Variants in ST14 observed in about 807,000 individuals in gnomAD.
ST14 encodes the protein ST14 transmembrane serine protease matriptase.
Under a neutral mutation model 96.5 loss-of-function variants are expected in ST14, and 40 were observed. The ratio of observed to expected loss-of-function variants is 0.41; its 90% CI spans 0.32 to 0.54. The LOEUF is 0.54. Among genes scored for constraint, ST14 ranks in the 20% least tolerant of loss-of-function variants. The pLI is 0.17. For synonymous variants in ST14, 506 were observed against 492.1 expected (o/e 1.03, Z -0.37); for missense variants, 1,066 against 1,188.9 (o/e 0.90, Z 1.52).
chr11:130,192,064 C>T (rs924024139), intron 7 of ST14, among the ~76,000 whole-genome samples: 1 of 152,172 alleles, frequency 6.6e-6, no homozygotes, highest in Admixed American at 6.5e-5. Flanking sequence ...TGTGGGATAC[C>T]CCACGTCAGG....
intron 1 of ST14, among the ~76,000 whole-genome samples, chr11:130,177,014 G>C (rs11221992): frequency 0.079 from 11,570 of 146,604 alleles, 598 homozygotes; most frequent in East Asian, 0.17. Flanking sequence ...TAGCCAAGAT[G>C]ATCTCGATCT....
intron 7 of ST14, 62 bp downstream of exon 7, chr11:130,190,756 G>C: frequency 2.7e-6 from 4 of 1,501,596 alleles, no homozygotes; most frequent in Non-Finnish European, 2.7e-6. Flanking sequence ...TAGGGGGCCA[G>C]CTTCTTCAAC....
At chr11:130,162,567 C>T (rs1428743153) in intron 1 of ST14, among the ~76,000 whole-genome samples, 1 of 152,186 alleles carries the variant, frequency 6.6e-6, no homozygotes, top group Non-Finnish European at 1.5e-5. Flanking sequence ...ACACCTCTGG[C>T]TATTCAGAGG....
At chr11:130,180,373 A>G (rs1004106679) in intron 1 of ST14, among the ~76,000 whole-genome samples, 16 of 152,168 alleles carry the variant, frequency 1.1e-4, no homozygotes, top group African/African-American at 3.9e-4. Context: ...CCTTAGCCAC[A>G]TGAGGAACGA....
chr11:130,208,561 G>T lies in ST14; in HGVS notation c.2146G>T (p.Glu716Ter). 6.2e-7 allele frequency: 1 copy of T among 1,614,252 alleles called. No homozygotes were observed. The highest frequency in any genetic ancestry group is 8.5e-7 in the Non-Finnish European group (1 of 1,180,046). Residue 716 changes from glutamate to a stop codon, truncating the protein, a stop_gained, in exon 17 of 19, where the codon GAG becomes TAG. Coordinates refer to ENST00000278742, the MANE Select transcript of ST14 (RefSeq NM_021978.4). LOFTEE classifies it high-confidence loss of function. ...FTFDYDIALL[E>*]LEKPAEYSSM... is the part of the protein sequence containing the mutation. ...CTTCGACTATGACATCGCGCTGCTG[G>T]AGCTGGAGAAACCGGCAGAGTACAG...
chr11:130,210,135 C>T lies in ST14; in HGVS notation c.*312C>T, dbSNP rs944710771. On this transcript the variant is annotated 3_prime_UTR_variant, in exon 19 of 19. Coordinates refer to ENST00000278742, the MANE Select transcript of ST14 (RefSeq NM_021978.4). ...GGCGCGTTTGTGCATATCTGCCTCC[C>T]CTGTCTCTAAGGAGCAGCGGGAACG... The T allele has an allele frequency of 6.4e-5, 22 of 344,238 alleles. No individual in the cohort carries two copies. The highest frequency in any genetic ancestry group is 4.4e-4 in the African/African-American group (21 of 47,934). The allele number at this position is 344,238 out of a possible 1,614,324, so 21.3% of individuals were successfully genotyped here.
intron 4 of ST14, chr11:130,189,340 CT>C: frequency 2.3e-6 from 1 of 438,396 alleles, no homozygotes; most frequent in Non-Finnish European, 4.2e-6. Flanking sequence ...TCTCAAAGTG[CT>C]TTTTATTTTG....
rs191160362 is a variant in ST14 at position 130,205,043 on chromosome 11, T to C, written c.1995-3367T>C. Among the ~76,000 whole-genome samples, 540 of 152,324 alleles carry C rather than the reference T, an allele frequency of 3.5e-3. 1 individual carries two copies. Among genetic ancestry groups the C allele is most frequent in the African/African-American group, 0.012 (513 of 41,568 alleles). Reference sequence around the variant, plus strand: ...TCACGCACATTTTCTATTTTAAATATGTATTTTTCCAATGTTTTATTTTGA... The same window carrying C: ...TCACGCACATTTTCTATTTTAAATACGTATTTTTCCAATGTTTTATTTTGA... On this transcript the variant is annotated intron_variant, in intron 16 of 18. Transcript: ENST00000278742.
chr11:130,206,289 G>A (rs556207504), intron 16 of ST14, among the ~76,000 whole-genome samples: 105 of 152,286 alleles, frequency 6.9e-4, no homozygotes, highest in African/African-American at 2.5e-3. Context: ...GGGGCTGGTC[G>A]GGAGAGGAGG....
chr11:130,199,610 G>A (rs1953406412), intron 15 of ST14, among the ~76,000 whole-genome samples: 1 of 152,168 alleles, frequency 6.6e-6, no homozygotes, highest in Admixed American at 6.5e-5. Flanking sequence ...CCTCCCCTGT[G>A]ATGTCCCAAA....
At chr11:130,172,708 C>T (rs979877870) in intron 1 of ST14, among the ~76,000 whole-genome samples, 8 of 152,164 alleles carry the variant, frequency 5.3e-5, no homozygotes, top group South Asian at 2.1e-4. Context: ...TGAACCACCG[C>T]GCCCGGCCAT....
chr11:130,197,588 G>A (rs971753197), intron 11 of ST14, among the ~76,000 whole-genome samples: 8 of 152,228 alleles, frequency 5.3e-5, no homozygotes, highest in African/African-American at 1.2e-4. Flanking sequence ...CCTGGGCTTC[G>A]ATCCTCAGTG....
At chr11:130,191,677 G>A (rs1346521625) in intron 7 of ST14, among the ~76,000 whole-genome samples, 4 of 131,296 alleles carry the variant, frequency 3.0e-5, no homozygotes, top group Non-Finnish European at 4.7e-5. Context: ...GCAACAGAGC[G>A]AGACTCTGTC....
intron 1 of ST14, among the ~76,000 whole-genome samples, chr11:130,169,654 G>A (rs1467978498): frequency 6.6e-6 from 1 of 152,178 alleles, no homozygotes; most frequent in Admixed American, 6.5e-5. Flanking sequence ...GGATGATACT[G>A]CTGTTGTGGT....
At chr11:130,162,204 G>T (rs1953003609) in intron 1 of ST14, among the ~76,000 whole-genome samples, 2 of 152,176 alleles carry the variant, frequency 1.3e-5, no homozygotes, top group East Asian at 1.9e-4. Context: ...CAAGGCTGGT[G>T]GTGTGGCCCC....
At chr11:130,161,327 C>G (rs150923420) in intron 1 of ST14, among the ~76,000 whole-genome samples, 89 of 152,322 alleles carry the variant, frequency 5.8e-4, no homozygotes, top group Non-Finnish European at 9.7e-4. Flanking sequence ...GCTGTAATTG[C>G]TATGTTTGTG....
chr11:130,207,664 G>C (rs372460662), intron 16 of ST14, among the ~76,000 whole-genome samples: 1 of 152,262 alleles, frequency 6.6e-6, no homozygotes, highest in African/African-American at 2.4e-5. Flanking sequence ...GCTCTGCAGT[G>C]CACGTGGAAA....
intron 16 of ST14, 97 bp downstream of exon 16, chr11:130,200,234 G>A: frequency 1.4e-6 from 2 of 1,414,634 alleles, no homozygotes; most frequent in Non-Finnish European, 2.0e-6. Flanking sequence ...GGCACTGGAG[G>A]GGTGGCCACA....
chr11:130,173,947 C>T (rs1364552145), intron 1 of ST14, among the ~76,000 whole-genome samples: 3 of 152,234 alleles, frequency 2.0e-5, no homozygotes, highest in Admixed American at 6.5e-5. Context: ...TCAGCTTACA[C>T]ATAAAGCTTC....
Sources: gnomAD v4.1 joint callset for allele counts (sites outside exome capture counted in the v4.1 genomes callset) on GRCh38, gnomAD v4.1.1 for gene constraint, MANE v1.5 for transcripts, NCBI Gene and HGNC (gene_info 2026-07-23, HGNC 2026-07-21) for gene names.